M1AP: variants seen among roughly 807,000 people sequenced by gnomAD.
The protein encoded by M1AP is meiosis 1 arrest protein.
In M1AP, 39 loss-of-function variants were observed where a neutral mutation model predicts 51.2. The ratio of observed to expected loss-of-function variants is 0.76; its 90% CI spans 0.59 to 1.00. M1AP has a LOEUF of 1.00. Among genes scored for constraint, M1AP ranks in the 50% least tolerant of loss-of-function variants. The pLI is 0.00. For missense variants in M1AP, 545 were observed against 641.2 expected, an observed-to-expected ratio of 0.85 and a Z score of 1.62; for synonymous variants, 251 against 249.2, an observed-to-expected ratio of 1.01 and a Z score of -0.07.
chr2:74,575,359 CAG>C, intron 7 of M1AP, 77 bp downstream of exon 7: 7 of 1,588,718 alleles, frequency 4.4e-6, no homozygotes, highest in South Asian at 2.3e-5. Context: ...TAGGATTGGG[CAG>C]AGTTAGTTAG....
At chr2:74,595,895 A>T in intron 4 of M1AP, among the ~76,000 whole-genome samples, 1 of 152,334 alleles carries the variant, frequency 6.6e-6, no homozygotes, top group African/African-American at 2.4e-5. Flanking sequence ...TTTATATTAA[A>T]TGGTATTATA....
chr2:74,639,552 C>G (rs1683173346), intron 2 of M1AP, among the ~76,000 whole-genome samples: 1 of 152,154 alleles, frequency 6.6e-6, no homozygotes, highest in Non-Finnish European at 1.5e-5. Flanking sequence ...TCACCTGAGT[C>G]TATGTGGAAT....
chr2:74,572,033 T>C (rs1244809704), intron 7 of M1AP, among the ~76,000 whole-genome samples: 2 of 151,506 alleles, frequency 1.3e-5, no homozygotes, highest in African/African-American at 4.8e-5. Context: ...ACTGTTTTGC[T>C]GCTGTCTTTT....
chr2:74,573,355 A>G (rs1678867139), intron 7 of M1AP, among the ~76,000 whole-genome samples: 1 of 143,446 alleles, frequency 7.0e-6, no homozygotes, highest in South Asian at 2.2e-4. Context: ...TGCCCAGCCT[A>G]TTATAACTAT....
intron 7 of M1AP, among the ~76,000 whole-genome samples, chr2:74,566,728 C>T (rs1041990557): frequency 6.6e-6 from 1 of 150,858 alleles, no homozygotes; most frequent in South Asian, 2.1e-4. Context: ...CCACTCTCAG[C>T]TTGGATTCTT....
At chr2:74,576,379 CTA>C (rs1679066267) in intron 6 of M1AP, 75 bp downstream of exon 6, 1 of 1,430,896 alleles carries the variant, frequency 7.0e-7, no homozygotes, top group South Asian at 1.2e-5. Context: ...GAGATACCAT[CTA>C]TCTCTGGAGT....
At chr2:74,639,316 A>G (rs2104837453) in intron 2 of M1AP, among the ~76,000 whole-genome samples, 2 of 152,344 alleles carry the variant, frequency 1.3e-5, no homozygotes, top group East Asian at 3.8e-4. Flanking sequence ...AATAAGACTT[A>G]TATCCATTTG....
In M1AP at chr2:74,640,028, A is replaced by T. The variant is rs201287835; in HGVS notation, c.240+8T>A. On this transcript the variant is annotated splice_region_variant and intron_variant, in intron 2 of 10. Transcript: ENST00000421985. ...CAGGGTAAAATGAATAAATATAGAT[A>T]TACTTACCACAAAAGGGAGGATGCA... 2.4e-4 allele frequency: 384 copies of T among 1,611,124 alleles called. No individual in the cohort carries two copies. The highest frequency in any genetic ancestry group is 3.2e-4 in the Non-Finnish European group (371 of 1,177,422).
intron 4 of M1AP, among the ~76,000 whole-genome samples, chr2:74,590,733 T>C (rs1679994792): frequency 6.6e-6 from 1 of 152,148 alleles, no homozygotes; most frequent in Admixed American, 6.6e-5. Flanking sequence ...CCAATCCCAC[T>C]TTGAACTGAG....
At chr2:74,562,574 T>C (rs1678099533) in intron 7 of M1AP, 151 bp from the exon 8 acceptor site, 5 of 701,492 alleles carry the variant, frequency 7.1e-6, no homozygotes, top group African/African-American at 3.6e-5. Flanking sequence ...ACTTCCTGCA[T>C]GAATCATCAA....
At position 74,587,456 on chromosome 2, in the gene M1AP, C is replaced by T. The variant is rs183377139; in HGVS notation, c.596-5609G>A. Among the ~76,000 whole-genome samples, 254 of 152,258 alleles carry T rather than the reference C, an allele frequency of 1.7e-3. 1 individual carries two copies. The highest frequency in any genetic ancestry group is 2.7e-3 in the Non-Finnish European group (183 of 68,006). On this transcript the variant is annotated intron_variant, in intron 4 of 10. Transcript: ENST00000421985. ...CTCGTGATCCACCTGCCTTGGCCTC[C>T]CAGAGTGCTGGGATTACAGGTGTGA...
intron 1 of M1AP, chr2:74,647,185 T>C (rs1683660098): frequency 2.0e-6 from 2 of 979,596 alleles, no homozygotes; most frequent in East Asian, 1.1e-4. Context: ...CCAATATCTT[T>C]ACCCTGGCCC....
At chr2:74,621,404 G>A (rs769872726) in intron 2 of M1AP, among the ~76,000 whole-genome samples, 3 of 152,140 alleles carry the variant, frequency 2.0e-5, no homozygotes, top group South Asian at 2.1e-4. Context: ...GCCACTGGCC[G>A]CCTGTGGTTA....
At chr2:74,561,941 G>A in intron 8 of M1AP, 1 of 985,298 alleles carries the variant, frequency 1.0e-6, no homozygotes, top group Non-Finnish European at 1.2e-6. Flanking sequence ...CTAATTCCCA[G>A]TCATCACTGA....
chr2:74,606,033 G>A (rs1680968769), intron 4 of M1AP, among the ~76,000 whole-genome samples: 1 of 152,180 alleles, frequency 6.6e-6, no homozygotes, highest in Non-Finnish European at 1.5e-5. Flanking sequence ...CCTTGACACA[G>A]GTGTCTAGGC....
intron 9 of M1AP, 109 bp downstream of exon 9, chr2:74,560,036 GCTACTC>G: frequency 8.5e-7 from 1 of 1,183,008 alleles, no homozygotes; most frequent in South Asian, 1.4e-5. Flanking sequence ...CTGGAGGAAG[GCTACTC>G]CCTTGGATGG....
intron 8 of M1AP, among the ~76,000 whole-genome samples, chr2:74,561,091 A>AGGAGAAGGAGGAGG (rs1677909260): frequency 1.9e-4 from 9 of 47,866 alleles, no homozygotes; most frequent in Non-Finnish European, 2.9e-4. Context: ...GGAGGAGGAG[A>AGGAGAAGGAGGAGG]AGGAGAAGGA....
chr2:74,605,051 T>A (rs935130814), intron 4 of M1AP, among the ~76,000 whole-genome samples: 4 of 152,116 alleles, frequency 2.6e-5, no homozygotes, highest in African/African-American at 7.2e-5. Flanking sequence ...AACTAGACTT[T>A]TTTTTTTCCC....
intron 4 of M1AP, among the ~76,000 whole-genome samples, chr2:74,592,054 C>T (rs775111464): frequency 1.6e-4 from 24 of 151,976 alleles, no homozygotes; most frequent in African/African-American, 7.3e-5. Context: ...CCACCCACCT[C>T]GGCCTCCCAA....
Sources: allele counts gnomAD v4.1 joint callset (sites outside exome capture counted in the v4.1 genomes callset), GRCh38; gene constraint gnomAD v4.1.1; transcripts MANE v1.5; gene names NCBI Gene and HGNC (gene_info 2026-07-23, HGNC 2026-07-21).